Variants in ZNF654 observed in about 807,000 individuals in gnomAD.
ZNF654 encodes the protein melanoma-associated antigen.
Under a neutral mutation model 95.3 loss-of-function variants are expected in ZNF654, and 19 were observed. The ratio of observed to expected loss-of-function variants is 0.20; its 90% CI spans 0.14 to 0.29. The LOEUF is 0.29. ZNF654 is among the 10% of genes least tolerant of loss of function. The pLI is 1.00. For synonymous variants in ZNF654, 413 were observed against 457.9 expected, an observed-to-expected ratio of 0.90 and a Z score of 1.25; for missense variants, 1,046 against 1,341.0, an observed-to-expected ratio of 0.78 and a Z score of 3.44.
At chr3:88,080,530 G>A (rs534533932) in intron 1 of ZNF654, among the ~76,000 whole-genome samples, 35 of 152,248 alleles carry the variant, frequency 2.3e-4, no homozygotes, top group Non-Finnish European at 4.6e-4. Flanking sequence ...TAGAATAGAA[G>A]TTTAATGATT....
At chr3:88,087,470 C>T (rs1708396001) in intron 2 of ZNF654, among the ~76,000 whole-genome samples, 1 of 152,000 alleles carries the variant, frequency 6.6e-6, no homozygotes, top group African/African-American at 2.4e-5. Flanking sequence ...TCCTAAGAAC[C>T]CACTAAAATT....
At chr3:88,074,593 C>G (rs760948077) in intron 1 of ZNF654, among the ~76,000 whole-genome samples, 36 of 152,066 alleles carry the variant, frequency 2.4e-4, no homozygotes, top group Non-Finnish European at 5.1e-4. Flanking sequence ...CCGCCTGCCT[C>G]GGCCTTCCAA....
chr3:88,124,954 G>A (rs551252649), intron 3 of ZNF654, among the ~76,000 whole-genome samples: 6 of 152,090 alleles, frequency 3.9e-5, no homozygotes, highest in African/African-American at 9.6e-5. Flanking sequence ...GGTGGCTCAC[G>A]CCTGTAATCC....
chr3:88,083,813 A>G (rs941526213), intron 1 of ZNF654, among the ~76,000 whole-genome samples: 1 of 152,108 alleles, frequency 6.6e-6, no homozygotes, highest in Non-Finnish European at 1.5e-5. Flanking sequence ...AAAAAGAAAA[A>G]AAGTGAAAGA....
In ZNF654 at chr3:88,059,318, T is replaced by A. The variant is rs1434754775; in HGVS notation, c.-2T>A. On this transcript the variant is annotated 5_prime_UTR_variant, in exon 1 of 9. Coordinates refer to ENST00000636215, the MANE Select transcript of ZNF654 (RefSeq NM_001350134.2). ...TGGTACGCGCTGGGCGGCGAGAGCCTCATGGCGGAGGAAGAGAGCGACCAA... is the reference window on the plus strand; with the variant it reads ...TGGTACGCGCTGGGCGGCGAGAGCCACATGGCGGAGGAAGAGAGCGACCAA... 1 of 1,533,880 alleles carries A rather than the reference T, an allele frequency of 6.5e-7. No individual in the cohort carries two copies. Among genetic ancestry groups the A allele is most frequent in the East Asian group, 2.4e-5 (1 of 40,868 alleles).
intron 1 of ZNF654, among the ~76,000 whole-genome samples, chr3:88,065,830 G>A (rs1707165468): frequency 6.6e-6 from 1 of 152,044 alleles, no homozygotes; most frequent in African/African-American, 2.4e-5. Context: ...GGGCTAAAGC[G>A]CTTCTCAGCA....
intron 1 of ZNF654, among the ~76,000 whole-genome samples, chr3:88,064,920 A>G (rs879775102): frequency 2.0e-5 from 3 of 152,198 alleles, no homozygotes; most frequent in Non-Finnish European, 4.4e-5. Flanking sequence ...GCAGTCACTT[A>G]TTTACTTTTG....
chr3:88,092,652 T>C (rs1276332423), intron 2 of ZNF654, among the ~76,000 whole-genome samples: 2 of 152,226 alleles, frequency 1.3e-5, no homozygotes, highest in African/African-American at 2.4e-5. Flanking sequence ...TGACTTTAAA[T>C]TTTTTATTTG....
In ZNF654 at chr3:88,118,331, GAGGCTCA is replaced by G. The variant is rs140484679; in HGVS notation, c.414+5137_414+5143del. ...GTATGGGATATCATGTCCCAAGCAG[GAGGCTCA>G]ACGCTATCTCACTGCGTAATATACC... On this transcript the variant is annotated intron_variant, in intron 3 of 8. Coordinates refer to ENST00000636215, the MANE Select transcript of ZNF654 (RefSeq NM_001350134.2). Among the ~76,000 whole-genome samples the G allele has an allele frequency of 4.9e-3, 753 of 152,176 alleles. 5 individuals carry two copies. Among genetic ancestry groups the G allele is most frequent in the African/African-American group, 0.017 (723 of 41,516 alleles).
rs113808563 is a variant in ZNF654 at position 88,121,737 on chromosome 3, T to A, written c.415-4397T>A. On this transcript the variant is annotated intron_variant, in intron 3 of 8. Transcript: ENST00000636215. ...CATTTCAAAGTATTATAAAGACTAC[T>A]GTATTTCAAAGATTACGTTTTTATA... Among the ~76,000 whole-genome samples, 366 of 152,328 alleles carry A rather than the reference T, an allele frequency of 2.4e-3. 2 individuals are homozygous for A. Among genetic ancestry groups the A allele is most frequent in the African/African-American group, 8.4e-3 (351 of 41,572 alleles).
intron 2 of ZNF654, among the ~76,000 whole-genome samples, chr3:88,090,683 C>T (rs1708585486): frequency 6.6e-6 from 1 of 152,096 alleles, no homozygotes; most frequent in African/African-American, 2.4e-5. Context: ...ACTGACACAC[C>T]TATAACAACA....
chr3:88,101,293 C>G (rs1370054771), intron 2 of ZNF654, among the ~76,000 whole-genome samples: 1 of 152,160 alleles, frequency 6.6e-6, no homozygotes, highest in Non-Finnish European at 1.5e-5. Flanking sequence ...AGTGCCTACC[C>G]AGCTCAAGGC....
At chr3:88,126,304 G>A in intron 4 of ZNF654, 35 bp downstream of exon 4, 2 of 1,425,118 alleles carry the variant, frequency 1.4e-6, no homozygotes, top group East Asian at 2.5e-5. Context: ...ACCAACATTT[G>A]TGAGAAGCAA....
In ZNF654 at chr3:88,070,778, A is replaced by G. The variant is rs1443856619; in HGVS notation, c.186+11273A>G. 2.0e-5 allele frequency among the ~76,000 whole-genome samples: 3 copies of G among 152,174 alleles called. No individual in the cohort carries two copies. In the East Asian group the frequency reaches 5.8e-4, roughly 29 times the overall value. ...TTATCCTTTGCAAAAACTCTGTGAA[A>G]TAAGTACTGTTTTTATCGTCATTTT... On this transcript the variant is annotated intron_variant, in intron 1 of 8. Coordinates refer to ENST00000636215, the MANE Select transcript of ZNF654 (RefSeq NM_001350134.2).
intron 2 of ZNF654, among the ~76,000 whole-genome samples, chr3:88,105,383 A>G (rs56185750): frequency 3.9e-5 from 6 of 152,184 alleles, no homozygotes; most frequent in Middle Eastern, 3.4e-3. Flanking sequence ...TGTGAATTCT[A>G]TGAATTTTGT....
At chr3:88,137,194 CAAAA>C (rs11401199) in intron 7 of ZNF654, among the ~76,000 whole-genome samples, 5 of 70,724 alleles carry the variant, frequency 7.1e-5, no homozygotes, top group Non-Finnish European at 1.2e-4. Flanking sequence ...GACTCTGTCT[CAAAA>C]AAAAAAAAAA....
At chr3:88,117,451 A>G (rs1375665899) in intron 3 of ZNF654, among the ~76,000 whole-genome samples, 2 of 152,190 alleles carry the variant, frequency 1.3e-5, no homozygotes, top group Non-Finnish European at 2.9e-5. Context: ...GTCAAGCCCT[A>G]TAGTTTATAA....
At chr3:88,135,301 G>A (rs1706708148) in intron 7 of ZNF654, 99 bp downstream of exon 7, 1 of 1,045,644 alleles carries the variant, frequency 9.6e-7, no homozygotes, top group Admixed American at 4.0e-5. Flanking sequence ...TAAAACTGAA[G>A]GAAAGGAGGA....
chr3:88,097,250 G>C (rs1704118876), intron 2 of ZNF654, among the ~76,000 whole-genome samples: 1 of 152,026 alleles, frequency 6.6e-6, no homozygotes, highest in East Asian at 1.9e-4. Context: ...TACAAGGAAT[G>C]TAATTTTTCA....
Sources: gnomAD v4.1 joint callset for allele counts (sites outside exome capture counted in the v4.1 genomes callset) on GRCh38, gnomAD v4.1.1 for gene constraint, MANE v1.5 for transcripts, NCBI Gene and HGNC (gene_info 2026-07-23, HGNC 2026-07-21) for gene names.